Variants in SPATC1 observed in about 807,000 individuals in gnomAD.
The protein encoded by SPATC1 is spermatogenesis and centriole associated 1.
SPATC1 carries 35 observed loss-of-function variants against 36.5 expected under a neutral mutation model. The observed-to-expected ratio is 0.96, with a 90% CI of 0.73 to 1.27. The LOEUF is 1.27. SPATC1 is among the 50% of genes most tolerant of loss of function. The pLI, the probability that SPATC1 is intolerant of heterozygous loss-of-function variation, is 0.00. For synonymous variants in SPATC1, 361 were observed against 353.6 expected, an observed-to-expected ratio of 1.02 and a Z score of -0.24; for missense variants, 779 against 796.0, an observed-to-expected ratio of 0.98 and a Z score of 0.26.
chr8:144,019,075 G>A, intron 1 of SPATC1, among the ~76,000 whole-genome samples: 1 of 151,162 alleles, frequency 6.6e-6, no homozygotes, highest in African/African-American at 2.4e-5. Flanking sequence ...GGACGGGGAA[G>A]GAACTGAGAG....
intron 1 of SPATC1, among the ~76,000 whole-genome samples, chr8:144,018,069 A>T (rs1029871253): frequency 2.0e-5 from 3 of 152,170 alleles, no homozygotes; most frequent in African/African-American, 7.2e-5. Flanking sequence ...ACAGATCCTG[A>T]CTGAGGACAG....
In SPATC1 at chr8:144,041,047, A is replaced by G; in HGVS notation, c.1246A>G (p.Met416Val). ...CACAGAACCGTCGACGAAGAGCATG[A>G]TGGAGGTGGAACGGAAGCTGGCCCA... is the stretch of plus-strand genomic sequence containing the variant. ...RTTEPSTKSM[M>V]EVERKLAHRK... The change falls in exon 3 of 5, where the codon ATG (methionine) becomes GTG (valine). Residue 416 changes from methionine to valine, a missense_variant. Transcript: ENST00000377470. 6.2e-7 allele frequency: 1 copy of G among 1,607,124 alleles called. No individual in the cohort carries two copies. The highest frequency in any genetic ancestry group is 2.2e-5 in the East Asian group (1 of 44,822).
At chr8:144,014,351 G>A (rs528229782) in intron 1 of SPATC1, among the ~76,000 whole-genome samples, 1 of 149,864 alleles carries the variant, frequency 6.7e-6, no homozygotes, top group East Asian at 2.0e-4. Flanking sequence ...GAAAGAAAGG[G>A]AAAGGAAGGA....
chr8:144,011,463 C>A (rs1402227019), upstream of SPATC1, among the ~76,000 whole-genome samples: 4 of 152,200 alleles, frequency 2.6e-5, no homozygotes, highest in Non-Finnish European at 4.4e-5. The surrounding 1 kb of genome is among the most constrained non-coding windows in gnomAD (Gnocchi z 4.5). Context: ...CCACATTCTA[C>A]CAGGAGTCTG....
At chr8:144,039,794 C>T (rs373026927) in intron 1 of SPATC1, 115 bp from the exon 2 acceptor site, 32 of 1,148,766 alleles carry the variant, frequency 2.8e-5, no homozygotes, top group East Asian at 1.7e-4. Context: ...GTCAGCTCAT[C>T]GGGGACAGAT....
At position 144,039,891 on chromosome 8, in the gene SPATC1, C is replaced by T. The variant is rs1835013564; in HGVS notation, c.212-18C>T. On this transcript the variant is annotated intron_variant, in intron 1 of 4. Transcript: ENST00000377470. ...GAGGGGCTCCCCTGGGGTCTCAGTG[C>T]TTTCTCTGTGTTCCCAGGTGTCTTC... The T allele has an allele frequency of 1.2e-6, 2 of 1,604,698 alleles. No individual in the cohort carries two copies. Among genetic ancestry groups the T allele is most frequent in the Admixed American group, 1.7e-5 (1 of 59,572 alleles).
chr8:144,018,154 A>G (rs1834429899), intron 1 of SPATC1, among the ~76,000 whole-genome samples: 1 of 152,196 alleles, frequency 6.6e-6, no homozygotes, highest in Non-Finnish European at 1.5e-5. Flanking sequence ...AAGCCAAGAG[A>G]CAGCTTCAAA....
chr8:144,046,968 G>A lies in SPATC1; in HGVS notation c.*12G>A. 1 of 1,591,252 alleles carries A rather than the reference G, an allele frequency of 6.3e-7. No individual in the cohort carries two copies. Among genetic ancestry groups the A allele is most frequent in the Non-Finnish European group, 8.5e-7 (1 of 1,175,492 alleles). On this transcript the variant is annotated 3_prime_UTR_variant, in exon 5 of 5. Transcript: ENST00000377470. The surrounding 1 kb of genome is among the most constrained non-coding windows in gnomAD (Gnocchi z 6.6). ...TGTTCATCTGGTGACGCTGGAGCTG[G>A]GAGGTCCAGGCTCGCTCAGCCCCAC...
At chr8:144,025,252 T>C (rs1834653365) in intron 1 of SPATC1, among the ~76,000 whole-genome samples, 1 of 152,116 alleles carries the variant, frequency 6.6e-6, no homozygotes, top group East Asian at 1.9e-4. Flanking sequence ...CCCTCATACT[T>C]TCTCCCCTCA....
intron 1 of SPATC1, among the ~76,000 whole-genome samples, chr8:144,030,693 T>G (rs1338280055): frequency 6.6e-6 from 1 of 152,154 alleles, no homozygotes; most frequent in African/African-American, 2.4e-5. Context: ...ATGTCTTTTT[T>G]CCCCTCAGTG....
chr8:144,020,780 T>G (rs1380195018), intron 1 of SPATC1, among the ~76,000 whole-genome samples: 11 of 142,244 alleles, frequency 7.7e-5, no homozygotes, highest in African/African-American at 2.7e-4. Context: ...AGCTCTTCCC[T>G]TAGGGCCCTC....
At chr8:144,043,641 G>A (rs1235492171) in intron 4 of SPATC1, among the ~76,000 whole-genome samples, 1 of 150,942 alleles carries the variant, frequency 6.6e-6, no homozygotes, top group African/African-American at 2.4e-5. Context: ...CTCCCAAAGT[G>A]CTGGGATTCC....
At chr8:144,023,323 TC>T in intron 1 of SPATC1, among the ~76,000 whole-genome samples, 3 of 106,916 alleles carry the variant, frequency 2.8e-5, no homozygotes, top group Non-Finnish European at 5.9e-5. Flanking sequence ...CTGAGGAACC[TC>T]TCCCCTCAGG....
chr8:144,040,859 G>T lies in SPATC1; in HGVS notation c.1058G>T (p.Ser353Ile). The part of the protein sequence containing the change: ...PQVATSYTPS[S>I]TTHIAQGAPH... ...GTTGCCACCAGCTACACACCCTCAA[G>T]CACCACCCACATCGCCCAGGGTGCC... is the stretch of plus-strand genomic sequence containing the variant. Residue 353 changes from serine (S) to isoleucine (I), a missense_variant, in exon 3 of 5, where the codon AGC (serine) becomes ATC (isoleucine). Ser to Ile is a moderately radical substitution (Grantham distance 142). Coordinates refer to ENST00000377470, the MANE Select transcript of SPATC1 (RefSeq NM_198572.3). The T allele has an allele frequency of 6.4e-7, 1 of 1,558,688 alleles. No individual in the cohort carries two copies. Among genetic ancestry groups the T allele is most frequent in the Non-Finnish European group, 8.7e-7 (1 of 1,153,792 alleles).
Position 144,040,557 on chromosome 8 carries a change from C to T in SPATC1, c.767-11C>T, listed in dbSNP as rs782359918. 6.3e-7 allele frequency: 1 copy of T among 1,576,420 alleles called. No homozygotes were observed. Among genetic ancestry groups the T allele is most frequent in the Non-Finnish European group, 8.6e-7 (1 of 1,161,650 alleles). On this transcript the variant is annotated splice_polypyrimidine_tract_variant and intron_variant, in intron 2 of 4. Transcript: ENST00000377470. ...CCCCTTTTTTTATTTCTGTTCCCTC[C>T]ACATCACTAGTCCCACTCTCCACTG...
chr8:144,037,130 G>A (rs1272128733), intron 1 of SPATC1, among the ~76,000 whole-genome samples: 4 of 116,814 alleles, frequency 3.4e-5, no homozygotes, highest in Admixed American at 1.6e-4. Context: ...AAGCCGCCCC[G>A]TCCGGGAGGG....
At chr8:144,017,499 G>T (rs1834418260) in intron 1 of SPATC1, among the ~76,000 whole-genome samples, 1 of 152,150 alleles carries the variant, frequency 6.6e-6, no homozygotes, top group South Asian at 2.1e-4. Flanking sequence ...GCAGGGCTTG[G>T]TCTGGTGGGC....
upstream of SPATC1, among the ~76,000 whole-genome samples, chr8:144,011,555 G>A (rs1564263625): frequency 6.6e-6 from 1 of 152,106 alleles, no homozygotes; most frequent in Non-Finnish European, 1.5e-5. The surrounding 1 kb of genome is among the most constrained non-coding windows in gnomAD (Gnocchi z 4.5). Flanking sequence ...AGAGCCAATG[G>A]AGGCCACGAG....
rs1483358918 is a variant in SPATC1 at position 144,016,961 on chromosome 8, G to T, written c.211+4235G>T. On this transcript the variant is annotated intron_variant, in intron 1 of 4. Coordinates refer to ENST00000377470, the MANE Select transcript of SPATC1 (RefSeq NM_198572.3). The surrounding 1 kb of genome is among the most constrained non-coding windows in gnomAD (Gnocchi z 4.5). ...CCTGACACTGGTGGTTTGTAACAGA[G>T]AATAATCATGTTTGTGCTTCAGAAA... Among the ~76,000 whole-genome samples the T allele has an allele frequency of 2.6e-5, 4 of 152,140 alleles. No individual in the cohort carries two copies. The highest frequency in any genetic ancestry group is 9.7e-5 in the African/African-American group (4 of 41,422).
Sources: gnomAD v4.1 joint callset for allele counts (sites outside exome capture counted in the v4.1 genomes callset) on GRCh38, gnomAD v4.1.1 for gene constraint, Gnocchi (gnomAD v3.1) non-coding constraint, MANE v1.5 for transcripts, NCBI Gene and HGNC (gene_info 2026-07-23, HGNC 2026-07-21) for gene names.